The following SMOC2 variants were observed in gnomAD, a reference collection of about 807,000 sequenced individuals.
The protein encoded by SMOC2 is SPARC related modular calcium binding 2.
SMOC2 carries 39 observed loss-of-function variants against 61.4 expected under a neutral mutation model. The ratio of observed to expected loss-of-function variants is 0.64; its 90% CI spans 0.49 to 0.83. SMOC2 has a LOEUF of 0.83. Ranked by LOEUF, SMOC2 falls within the 40% of genes least tolerant of loss-of-function variation. SMOC2 has a pLI of 0.00. For synonymous variants in SMOC2, 247 were observed against 239.9 expected (o/e 1.03, Z -0.27); for missense variants, 556 against 592.9 (o/e 0.94, Z 0.65).
At chr6:168,578,593 C>T (rs552812172) in intron 7 of SMOC2, among the ~76,000 whole-genome samples, 44 of 152,318 alleles carry the variant, frequency 2.9e-4, no homozygotes, top group East Asian at 2.3e-3. Context: ...TGTACAGCAA[C>T]GGTTTCTCCT....
chr6:168,447,317 C>T (rs767541310), intron 1 of SMOC2, among the ~76,000 whole-genome samples: 25 of 152,184 alleles, frequency 1.6e-4, no homozygotes, highest in Non-Finnish European at 3.1e-4. Context: ...GTGATCCACT[C>T]ACTGTGGCTG....
At chr6:168,470,581 G>T (rs1390364087) in intron 1 of SMOC2, among the ~76,000 whole-genome samples, 1 of 152,134 alleles carries the variant, frequency 6.6e-6, no homozygotes, top group Non-Finnish European at 1.5e-5. Flanking sequence ...GGAGGCTGAG[G>T]TGGGAGGATC....
At chr6:168,658,065 A>T (rs927012601) in intron 11 of SMOC2, among the ~76,000 whole-genome samples, 6 of 152,214 alleles carry the variant, frequency 3.9e-5, no homozygotes, top group Non-Finnish European at 8.8e-5. Context: ...AAAACCTACA[A>T]GCAGGGTCCA....
chr6:168,638,830 C>T (rs1033191251), intron 9 of SMOC2, among the ~76,000 whole-genome samples: 2 of 152,096 alleles, frequency 1.3e-5, no homozygotes, highest in African/African-American at 4.8e-5. Flanking sequence ...AGATTCAAGC[C>T]AGGAAAAGAA....
intron 9 of SMOC2, among the ~76,000 whole-genome samples, chr6:168,630,155 A>AGATGT (rs1386608166): frequency 6.6e-6 from 1 of 152,260 alleles, no homozygotes; most frequent in East Asian, 1.9e-4. Flanking sequence ...TTCTTGTTAA[A>AGATGT]GATGTGTGAG....
intron 1 of SMOC2, among the ~76,000 whole-genome samples, chr6:168,469,751 C>T (rs1781929654): frequency 6.6e-6 from 1 of 152,178 alleles, no homozygotes; most frequent in Non-Finnish European, 1.5e-5. Context: ...CCAGCAGTGC[C>T]AAGAGGTCCC....
At position 168,500,607 on chromosome 6, in the gene SMOC2, G is replaced by A. The variant is rs982467695; in HGVS notation, c.85-9308G>A. Among the ~76,000 whole-genome samples the A allele has an allele frequency of 7.2e-5, 11 of 152,066 alleles. No homozygotes were observed. The East Asian group carries it at 1.6e-3, about 21-fold the overall frequency. On this transcript the variant is annotated intron_variant, in intron 1 of 12. Coordinates refer to ENST00000356284, the MANE Select transcript of SMOC2 (RefSeq NM_001166412.2). ...TTCTGTAGGGACCCCGGGTGGCTAC[G>A]CGAATGTGGCTCTGAAGACAACACT...
At chr6:168,526,290 C>A in intron 2 of SMOC2, 56 bp from the exon 3 acceptor site, 1 of 1,473,666 alleles carries the variant, frequency 6.8e-7, no homozygotes, top group Non-Finnish European at 9.5e-7. Context: ...GTTCCTATAT[C>A]TGTTCTATCT....
In SMOC2 at chr6:168,630,509, C is replaced by T. The variant is rs575803064; in HGVS notation, c.908-20172C>T. ...GAGGATGTATGTCGCCTCAGGACCA[C>T]GTGATAATTGCATTAACTGCACAAA... On this transcript the variant is annotated intron_variant, in intron 9 of 12. Coordinates refer to ENST00000356284, the MANE Select transcript of SMOC2 (RefSeq NM_001166412.2). 2.4e-3 allele frequency among the ~76,000 whole-genome samples: 361 copies of T among 152,204 alleles called. 2 individuals carry two copies. Among genetic ancestry groups the T allele is most frequent in the South Asian group, 2.7e-3 (13 of 4,818 alleles).
chr6:168,495,357 G>T (rs1343835182), intron 1 of SMOC2, among the ~76,000 whole-genome samples: 5 of 152,346 alleles, frequency 3.3e-5, no homozygotes, highest in Middle Eastern at 3.4e-3. Context: ...ACTGGCTGAC[G>T]CCAGCCAGGG....
chr6:168,560,583 A>C, intron 7 of SMOC2, among the ~76,000 whole-genome samples: 1 of 94,624 alleles, frequency 1.1e-5, no homozygotes, highest in African/African-American at 4.7e-5. Flanking sequence ...TTCTTGGAGG[A>C]GGTGTCATTT....
At chr6:168,649,967 G>A (rs969102846) in intron 9 of SMOC2, among the ~76,000 whole-genome samples, 2 of 152,176 alleles carry the variant, frequency 1.3e-5, no homozygotes, top group Non-Finnish European at 1.5e-5. Flanking sequence ...GGGGTGGGAC[G>A]AGTGTCTCAG....
chr6:168,519,983 T>C (rs1379666282), intron 2 of SMOC2, among the ~76,000 whole-genome samples: 1 of 149,338 alleles, frequency 6.7e-6, no homozygotes. Context: ...AAAAAGAGAA[T>C]ACTTACGTAA....
intron 8 of SMOC2, among the ~76,000 whole-genome samples, 194 bp downstream of exon 8, chr6:168,599,198 A>ACACACACACTCATGCC (rs1785424696): frequency 7.8e-6 from 1 of 127,864 alleles, no homozygotes; most frequent in African/African-American, 3.1e-5. Context: ...CACTCATACC[A>ACACACACACTCATGCC]CACACACACT....
At position 168,453,962 on chromosome 6, in the gene SMOC2, T is replaced by G. The variant is rs1781523150; in HGVS notation, c.84+12508T>G. Among the ~76,000 whole-genome samples the G allele has an allele frequency of 1.3e-5, 2 of 152,096 alleles. No homozygotes were observed. Among genetic ancestry groups the G allele is most frequent in the Non-Finnish European group, 2.9e-5 (2 of 68,002 alleles). ...TCTTTGGTCTCTGCCATTCTCCCTC[T>G]CTGTTTTGTCTATCTTTCTTTGCCC... is the stretch of plus-strand genomic sequence containing the variant. On this transcript the variant is annotated intron_variant, in intron 1 of 12. Transcript: ENST00000356284. This position sits in a 1 kb window ranked among gnomAD's most constrained non-coding sequence, Gnocchi z 4.4.
chr6:168,543,580 A>G lies in SMOC2; in HGVS notation c.464-45A>G, dbSNP rs9456177. The G allele has an allele frequency of 5.3e-3, 8,179 of 1,555,628 alleles. 381 individuals carry two copies. In the African/African-American group the frequency reaches 0.097, roughly 18 times the overall value. ...TAACTTAATTTGTGATGGCCATTTAAGAGTCCAAAATAATTTCATTTCACT... is the reference window on the plus strand; with the variant it reads ...TAACTTAATTTGTGATGGCCATTTAGGAGTCCAAAATAATTTCATTTCACT... On this transcript the variant is annotated intron_variant, in intron 4 of 12. Coordinates refer to ENST00000356284, the MANE Select transcript of SMOC2 (RefSeq NM_001166412.2).
At chr6:168,634,037 C>A (rs1477615836) in intron 9 of SMOC2, among the ~76,000 whole-genome samples, 1 of 152,200 alleles carries the variant, frequency 6.6e-6, no homozygotes, top group East Asian at 1.9e-4. Flanking sequence ...TTTGCTTCCC[C>A]TTCTGCCATG....
At chr6:168,530,734 G>A (rs1255879716) in intron 4 of SMOC2, among the ~76,000 whole-genome samples, 1 of 150,120 alleles carries the variant, frequency 6.7e-6, no homozygotes, top group East Asian at 2.0e-4. Context: ...GGTGTGGTGG[G>A]AACTGGTACT....
intron 1 of SMOC2, among the ~76,000 whole-genome samples, chr6:168,458,082 T>C (rs144921928): frequency 6.6e-6 from 1 of 152,056 alleles, no homozygotes. Context: ...CTAGGAAGGC[T>C]GGGGGGATGT....
Sources: allele counts gnomAD v4.1 joint callset (sites outside exome capture counted in the v4.1 genomes callset), GRCh38; gene constraint gnomAD v4.1.1; non-coding constraint Gnocchi (gnomAD v3.1); transcripts MANE v1.5; gene names NCBI Gene and HGNC (gene_info 2026-07-23, HGNC 2026-07-21).